Variants in OLFM3 observed in about 807,000 individuals in gnomAD.
The protein encoded by OLFM3 is olfactomedin 3, also known as noelin-3.
A neutral mutation model predicts 48.6 loss-of-function variants in OLFM3; 20 were observed. The ratio of observed to expected loss-of-function variants is 0.41; its 90% CI spans 0.29 to 0.60. OLFM3 has a LOEUF of 0.60. OLFM3 is among the 20% of genes least tolerant of loss of function. The pLI, the probability that OLFM3 is intolerant of heterozygous loss-of-function variation, is 0.28. For missense variants in OLFM3, 437 were observed against 544.3 expected (o/e 0.80, Z 1.96); for synonymous variants, 222 against 198.1 (o/e 1.12, Z -1.01).
intron 1 of OLFM3, among the ~76,000 whole-genome samples, chr1:101,865,773 C>G (rs1490147634): frequency 6.6e-6 from 1 of 152,146 alleles, no homozygotes; most frequent in Non-Finnish European, 1.5e-5. Context: ...TCAGAGTTGG[C>G]AAATTCAAGG....
chr1:101,904,161 G>C (rs112019774), intron 1 of OLFM3, among the ~76,000 whole-genome samples: 164 of 152,028 alleles, frequency 1.1e-3, no homozygotes, highest in Middle Eastern at 3.4e-3. Context: ...TCTTTATATT[G>C]AATAGCCCAC....
chr1:101,910,046 C>T (rs1292505586), intron 1 of OLFM3: 7 of 983,294 alleles, frequency 7.1e-6, no homozygotes, highest in Non-Finnish European at 8.5e-6. Context: ...CTTTCCCCTC[C>T]ATTCTCCTCC....
At chr1:101,893,246 T>G in intron 1 of OLFM3, 1 of 287,918 alleles carries the variant, frequency 3.5e-6, no homozygotes, top group Non-Finnish European at 6.8e-6. Context: ...AAGACAGAGG[T>G]GGGGAAAAAA....
chr1:101,911,649 T>C (rs1465467660), intron 1 of OLFM3, among the ~76,000 whole-genome samples: 1 of 152,210 alleles, frequency 6.6e-6, no homozygotes, highest in Non-Finnish European at 1.5e-5. Flanking sequence ...CAATGAGCTT[T>C]ACACATACAG....
At chr1:101,808,706 C>T (rs1203524205) in intron 4 of OLFM3, among the ~76,000 whole-genome samples, 1 of 151,812 alleles carries the variant, frequency 6.6e-6, no homozygotes, top group Non-Finnish European at 1.5e-5. Flanking sequence ...CCTGCCTACT[C>T]ACCACAGAAA....
In OLFM3 at chr1:101,804,290, A is replaced by C; in HGVS notation, c.1325T>G (p.Val442Gly). The C allele has an allele frequency of 1.2e-6, 2 of 1,610,626 alleles. No homozygotes were observed. Among genetic ancestry groups the C allele is most frequent in the Non-Finnish European group, 1.7e-6 (2 of 1,178,072 alleles). ...ALYAWNNGHQ[V>G]LFNVTLFHII... ...ATGGAAAAGGGTGACATTGAACAGCACCTGGTGGCCATTGTTCCAGGCATA... is the reference window on the plus strand; with the variant it reads ...ATGGAAAAGGGTGACATTGAACAGCCCCTGGTGGCCATTGTTCCAGGCATA... Residue 442 changes from valine to glycine, a missense_variant, in exon 6 of 6, where the codon GTG becomes GGG. This residue lies in a region of OLFM3 where 108 missense variants were observed against 135.8 expected (regional missense o/e 0.80). Transcript: ENST00000370103. This position sits in a 1 kb window ranked among gnomAD's most constrained non-coding sequence, Gnocchi z 4.5.
chr1:101,915,125 G>T lies in OLFM3; in HGVS notation c.70-78100C>A, dbSNP rs147875991. ...GCTACATTGCACACATTCAGTGTAC[G>T]CAATACAACATTGCAGAAAAAGAAA... On this transcript the variant is annotated intron_variant, in intron 1 of 5. Coordinates refer to ENST00000370103, the MANE Select transcript of OLFM3 (RefSeq NM_058170.4). Among the ~76,000 whole-genome samples the T allele has an allele frequency of 7.0e-3, 1,070 of 152,158 alleles. 15 individuals carry two copies. The highest frequency in any genetic ancestry group is 0.024 in the African/African-American group (984 of 41,520).
chr1:101,982,140 CT>C (rs1661121443), intron 1 of OLFM3, among the ~76,000 whole-genome samples: 1 of 152,110 alleles, frequency 6.6e-6, no homozygotes, highest in Admixed American at 6.5e-5. Context: ...CAACAACAGA[CT>C]TATTATAAAA....
chr1:101,895,802 G>A (rs1325523355), intron 1 of OLFM3, among the ~76,000 whole-genome samples: 3 of 151,138 alleles, frequency 2.0e-5, no homozygotes, highest in Non-Finnish European at 4.4e-5. Context: ...ATGTTACACT[G>A]CAAATGAAAA....
At chr1:101,844,645 G>T (rs988203921) in intron 1 of OLFM3, among the ~76,000 whole-genome samples, 1 of 152,136 alleles carries the variant, frequency 6.6e-6, no homozygotes, top group African/African-American at 2.4e-5. Flanking sequence ...TTTCTAAGGA[G>T]ATATCTTGAC....
chr1:101,847,854 G>T (rs917727941), intron 1 of OLFM3, among the ~76,000 whole-genome samples: 1 of 152,036 alleles, frequency 6.6e-6, no homozygotes, highest in Non-Finnish European at 1.5e-5. Flanking sequence ...AGTATAAAGG[G>T]CACAGGACTT....
intron 1 of OLFM3, among the ~76,000 whole-genome samples, chr1:101,926,124 T>A (rs1167497576): frequency 6.6e-6 from 1 of 152,178 alleles, no homozygotes; most frequent in Non-Finnish European, 1.5e-5. Context: ...AATAGTCCAG[T>A]GTTTGAAGCC....
At chr1:101,871,822 A>C (rs969764603) in intron 1 of OLFM3, among the ~76,000 whole-genome samples, 39 of 152,242 alleles carry the variant, frequency 2.6e-4, no homozygotes, top group African/African-American at 9.4e-4. Context: ...TGAAACTAGA[A>C]TTTACATTAA....
chr1:101,815,308 G>A (rs943789738), intron 4 of OLFM3, among the ~76,000 whole-genome samples: 13 of 151,874 alleles, frequency 8.6e-5, no homozygotes, highest in African/African-American at 2.4e-4. Context: ...ATAGCCGGGC[G>A]TAGTGGCGGG....
At chr1:101,888,623 T>C (rs1570600713) in intron 1 of OLFM3, among the ~76,000 whole-genome samples, 2 of 152,088 alleles carry the variant, frequency 1.3e-5, no homozygotes, top group Non-Finnish European at 2.9e-5. Context: ...CCAAAAGCAA[T>C]GGCAACAAAA....
chr1:101,810,979 T>C (rs1421889679), intron 4 of OLFM3, among the ~76,000 whole-genome samples: 1 of 151,654 alleles, frequency 6.6e-6, no homozygotes, highest in Non-Finnish European at 1.5e-5. Flanking sequence ...CTTGGAAAAA[T>C]ATACTCCTGT....
intron 1 of OLFM3, among the ~76,000 whole-genome samples, chr1:101,983,290 T>C (rs923642553): frequency 6.6e-6 from 1 of 152,190 alleles, no homozygotes; most frequent in Non-Finnish European, 1.5e-5. Flanking sequence ...ATCTTTTCAT[T>C]CTTCATTGTC....
intron 4 of OLFM3, among the ~76,000 whole-genome samples, chr1:101,819,354 T>G (rs180969359): frequency 8.0e-4 from 122 of 152,276 alleles, no homozygotes; most frequent in Non-Finnish European, 1.1e-3. Context: ...GGTGTTTGGA[T>G]TCCATTTTAA....
intron 1 of OLFM3, among the ~76,000 whole-genome samples, chr1:101,896,625 G>A (rs1203432474): frequency 1.3e-5 from 2 of 148,350 alleles, no homozygotes; most frequent in Non-Finnish European, 3.0e-5. Context: ...CTCCCCAGTA[G>A]CTGGGACTAC....
Sources: allele counts gnomAD v4.1 joint callset (sites outside exome capture counted in the v4.1 genomes callset), GRCh38; gene constraint gnomAD v4.1.1; regional missense constraint gnomAD v4.1.1; non-coding constraint Gnocchi (gnomAD v3.1); transcripts MANE v1.5; gene names NCBI Gene and HGNC (gene_info 2026-07-23, HGNC 2026-07-21).